Variants in FMN1 observed in about 807,000 individuals in gnomAD.
The protein encoded by FMN1 is formin 1, also known as formin-1.
In FMN1, 110 loss-of-function variants were observed where a neutral mutation model predicts 132.4. That is an observed-to-expected ratio of 0.83 (90% CI 0.71 to 0.97). The LOEUF is 0.97. FMN1 is among the 50% of genes least tolerant of loss of function. FMN1 has a pLI of 0.00. For synonymous variants in FMN1, 722 were observed against 651.7 expected (o/e 1.11, Z -1.64); for missense variants, 1,792 against 1,705.3 (o/e 1.05, Z -0.90).
intron 17 of FMN1, among the ~76,000 whole-genome samples, chr15:32,831,137 G>C (rs1254276330): frequency 6.6e-6 from 1 of 151,974 alleles, no homozygotes; most frequent in African/African-American, 2.4e-5. Flanking sequence ...TTTCCTCAAG[G>C]GTTTTTTTAT....
At position 33,153,573 on chromosome 15, in the gene FMN1, G is replaced by T; in HGVS notation, c.1342C>A (p.Pro448Thr). 6.5e-7 allele frequency: 1 copy of T among 1,536,252 alleles called. No individual in the cohort carries two copies. Among genetic ancestry groups the T allele is most frequent in the Non-Finnish European group, 8.7e-7 (1 of 1,146,940 alleles). ...TTTCTCGTTTCTGGGCGAGTGTGAG[G>T]GACACTCGTGTGGACAGGGAAGCCC... ...RLGFPVHTSV[P>T]HTRPETRNKR... is the part of the protein sequence containing the mutation. The change falls in exon 4 of 21, where the codon CCT becomes ACT. Residue 448 changes from proline to threonine, a missense_variant. Around this residue, in one of 3 missense-constraint regions of FMN1, gnomAD observed 638 missense variants for 645.2 expected, o/e 0.99. Transcript: ENST00000616417.
At chr15:33,063,554 C>G (rs2037580769) in intron 6 of FMN1, 1 of 152,214 alleles carries the variant, frequency 6.6e-6, no homozygotes, top group Non-Finnish European at 1.5e-5. Context: ...AAACTCTCCT[C>G]AAATCACTCC....
In FMN1 at chr15:32,899,978, C is replaced by T. The variant is rs766737714; in HGVS notation, c.3654+1G>A. On this transcript the variant is annotated splice_donor_variant, in intron 14 of 20. Transcript: ENST00000616417. LOFTEE classifies it high-confidence loss of function. ...GGGAACTTATTATGAAAAATAAATA[C>T]CCGACTTTTGACATCCTTGAGTTTG... 1 of 1,612,168 alleles carries T rather than the reference C, an allele frequency of 6.2e-7. No individual in the cohort carries two copies. The highest frequency in any genetic ancestry group is 8.5e-7 in the Non-Finnish European group (1 of 1,179,462).
intron 17 of FMN1, among the ~76,000 whole-genome samples, chr15:32,848,972 C>CT (rs1224231827): frequency 0.014 from 927 of 68,220 alleles, 21 homozygotes; most frequent in African/African-American, 0.047. Context: ...GGTTAGTTCT[C>CT]TTTTGTTTTT....
chr15:33,082,748 C>A (rs571820135), intron 5 of FMN1, among the ~76,000 whole-genome samples: 1 of 152,048 alleles, frequency 6.6e-6, no homozygotes, highest in Non-Finnish European at 1.5e-5. Flanking sequence ...CCTAAATGGG[C>A]GCTCCGGGGT....
intron 3 of FMN1, among the ~76,000 whole-genome samples, chr15:33,158,006 A>G (rs970180941): frequency 1.3e-5 from 2 of 150,346 alleles, no homozygotes; most frequent in Non-Finnish European, 2.9e-5. Context: ...AAAAAAAAAA[A>G]AAAAGAAAAA....
rs771076405 is a variant in FMN1 at position 32,900,104 on chromosome 15, C to A, written c.3529G>T (p.Val1177Leu). 1 of 1,613,790 alleles carries A rather than the reference C, an allele frequency of 6.2e-7. No individual in the cohort carries two copies. Among genetic ancestry groups the A allele is most frequent in the African/African-American group, 1.3e-5 (1 of 75,030 alleles). ...ASKDLLHVKS[V>L]KDILALILAF... The stretch of plus-strand genomic sequence containing the variant: ...AAGATGAGAGCTAAAATATCCTTCA[C>A]GCTCTTCACGTGCAGCAAGTCCTGT... Residue 1177 changes from valine (V) to leucine (L), a missense_variant, in exon 14 of 21, where the codon GTG (valine) becomes TTG (leucine). Physicochemically the swap from Val to Leu is conservative, Grantham distance 32. Transcript: ENST00000616417.
At position 32,888,199 on chromosome 15, in the gene FMN1, A is replaced by C. The variant is rs746429523; in HGVS notation, c.3808T>G (p.Leu1270Val). The change falls in exon 16 of 21, where the codon TTG becomes GTG. Residue 1270 changes from leucine (L) to valine (V), a missense_variant. By Grantham distance (32) the Leu-to-Val change is conservative (BLOSUM62 1). Around this residue, in one of 3 missense-constraint regions of FMN1, gnomAD observed 1,150 missense variants for 1,043.1 expected, o/e 1.10. Transcript: ENST00000616417. ...TCTAGTTGCCTCTTCAGTTTTCTCA[A>C]ATCTTTTATGAGGTCTTCAAACTTG... is the stretch of plus-strand genomic sequence containing the variant. ...QVKFEDLIKD[L>V]RKLKRQLEAS... is the part of the protein sequence containing the mutation. 9 of 1,612,102 alleles carry C rather than the reference A, an allele frequency of 5.6e-6. No individual in the cohort carries two copies. The Admixed American group carries it at 1.5e-4, about 27-fold the overall frequency.
intron 3 of FMN1, among the ~76,000 whole-genome samples, chr15:33,174,543 C>A (rs940335099): frequency 6.6e-6 from 1 of 152,202 alleles, no homozygotes; most frequent in African/African-American, 2.4e-5. Context: ...TACTCCAAAT[C>A]ATAAATTTTT....
At chr15:32,989,297 A>G (rs544664917) in intron 7 of FMN1, among the ~76,000 whole-genome samples, 3 of 152,300 alleles carry the variant, frequency 2.0e-5, no homozygotes, top group African/African-American at 7.2e-5. Context: ...TTTCATAATT[A>G]TAATGTGAGA....
In FMN1 at chr15:32,969,210, T is replaced by G. The variant is rs754900438; in HGVS notation, c.2491A>C (p.Lys831Gln). The G allele has an allele frequency of 1.1e-5, 18 of 1,613,888 alleles. No homozygotes were observed. Among genetic ancestry groups the G allele is most frequent in the Non-Finnish European group, 1.4e-5 (17 of 1,179,872 alleles). ...KTTRSNQLVP[K>Q]KLNISSLSQL... ...CTTAAAGAGGAGATATTCAGCTTTT[T>G]GGGTACTAATTGATTACTTCTGGTT... is the stretch of plus-strand genomic sequence containing the variant. Residue 831 changes from lysine (K) to glutamine (Q), a missense_variant, in exon 8 of 21, where the codon AAA becomes CAA. Physicochemically the swap from Lys to Gln is moderately conservative, Grantham distance 53. Coordinates refer to ENST00000616417, the MANE Select transcript of FMN1 (RefSeq NM_001277313.2).
intron 18 of FMN1, among the ~76,000 whole-genome samples, chr15:32,802,451 A>C (rs1459115329): frequency 1.3e-5 from 2 of 152,216 alleles, no homozygotes; most frequent in Non-Finnish European, 2.9e-5. Flanking sequence ...GAATTCACTA[A>C]TCTCACACAA....
At chr15:32,924,717 C>T (rs1016429121) in intron 10 of FMN1, among the ~76,000 whole-genome samples, 1 of 152,152 alleles carries the variant, frequency 6.6e-6, no homozygotes, top group Non-Finnish European at 1.5e-5. Context: ...GTCAGGAGTT[C>T]GAGACCAGTC....
intron 4 of FMN1, among the ~76,000 whole-genome samples, chr15:33,101,584 C>T (rs921126766): frequency 6.6e-6 from 1 of 152,126 alleles, no homozygotes; most frequent in African/African-American, 2.4e-5. Flanking sequence ...GTAATCCCTG[C>T]CCCCTAACTC....
chr15:33,056,927 A>G (rs1003552141), intron 6 of FMN1, among the ~76,000 whole-genome samples: 10 of 152,230 alleles, frequency 6.6e-5, no homozygotes, highest in African/African-American at 2.2e-4. Flanking sequence ...CTGTAATCCC[A>G]GCGCTTTGGG....
intron 16 of FMN1, among the ~76,000 whole-genome samples, chr15:32,875,459 C>A (rs565139928): frequency 1.3e-5 from 2 of 152,282 alleles, no homozygotes; most frequent in South Asian, 2.1e-4. Context: ...GGGGAAAAGG[C>A]CTACCAGGTG....
chr15:32,879,992 T>G (rs2059727211), intron 16 of FMN1, among the ~76,000 whole-genome samples: 1 of 152,154 alleles, frequency 6.6e-6, no homozygotes, highest in African/African-American at 2.4e-5. Context: ...AGGCTACCTC[T>G]TTTACCAATT....
At chr15:33,170,534 G>A (rs1312457313) in intron 3 of FMN1, among the ~76,000 whole-genome samples, 4 of 150,042 alleles carry the variant, frequency 2.7e-5, no homozygotes, top group African/African-American at 9.9e-5. Context: ...GAATATACAG[G>A]GAACTCAAAC....
intron 3 of FMN1, among the ~76,000 whole-genome samples, chr15:33,166,587 A>T (rs774818725): frequency 9.8e-5 from 15 of 152,296 alleles, no homozygotes; most frequent in Non-Finnish European, 1.8e-4. Flanking sequence ...TCAGAATCCT[A>T]CAAGAGATCA....
Sources: gnomAD v4.1 joint callset for allele counts (sites outside exome capture counted in the v4.1 genomes callset) on GRCh38, gnomAD v4.1.1 for gene constraint, gnomAD v4.1.1 regional missense constraint, MANE v1.5 for transcripts, NCBI Gene and HGNC (gene_info 2026-07-23, HGNC 2026-07-21) for gene names.